RANBP3L: variants seen among roughly 807,000 people sequenced by gnomAD.
The protein encoded by RANBP3L is ran-binding protein 3-like.
Under a neutral mutation model 67.2 loss-of-function variants are expected in RANBP3L, and 56 were observed. That is an observed-to-expected ratio of 0.83 (90% confidence interval 0.67 to 1.04). The LOEUF (loss-of-function observed/expected upper bound fraction) is 1.04. RANBP3L is among the 50% of genes least tolerant of loss of function. The probability of loss-of-function intolerance (pLI) is 0.00; values close to 1 mark genes in which losing one functional copy is unlikely to be tolerated. For synonymous variants in RANBP3L, 164 were observed against 181.4 expected (o/e 0.90, Z 0.77); for missense variants, 496 against 535.5 (o/e 0.93, Z 0.73).
intron 1 of RANBP3L, among the ~76,000 whole-genome samples, chr5:36,284,793 A>G (rs1000548724): frequency 6.6e-6 from 1 of 152,194 alleles, no homozygotes; most frequent in South Asian, 2.1e-4. Flanking sequence ...GTATTTTTGC[A>G]ACTGTTTCTT....
intron 1 of RANBP3L, among the ~76,000 whole-genome samples, chr5:36,297,671 A>G (rs575742954): frequency 4.1e-4 from 63 of 152,342 alleles, no homozygotes; most frequent in African/African-American, 1.4e-3. Flanking sequence ...GTGTTCATAG[A>G]ATCAATATTA....
chr5:36,263,171 TG>T (rs988575286), intron 6 of RANBP3L, among the ~76,000 whole-genome samples: 5 of 152,228 alleles, frequency 3.3e-5, no homozygotes, highest in African/African-American at 1.2e-4. Flanking sequence ...AATTTAATGA[TG>T]GGCATTAAAT....
chr5:36,283,566 A>G (rs1237809635), intron 1 of RANBP3L, among the ~76,000 whole-genome samples: 1 of 151,826 alleles, frequency 6.6e-6, no homozygotes, highest in Non-Finnish European at 1.5e-5. Context: ...ACACACACAC[A>G]CACACACATC....
In RANBP3L at chr5:36,247,883, G is replaced by C. The variant is rs536744572; in HGVS notation, c.*1771C>G. Among the ~76,000 whole-genome samples, 5 of 152,262 alleles carry C rather than the reference G, an allele frequency of 3.3e-5. No individual in the cohort carries two copies. The East Asian group carries it at 9.7e-4, about 29-fold the overall frequency. ...AACCTGGGTGACAGAGCGAGACTCT[G>C]TCTAAAAAACAAACAAAATAAATAA... On this transcript the variant is annotated 3_prime_UTR_variant, in exon 14 of 14. Coordinates refer to ENST00000296604, the MANE Select transcript of RANBP3L (RefSeq NM_145000.5).
At chr5:36,289,325 A>G (rs78999778) in intron 1 of RANBP3L, among the ~76,000 whole-genome samples, 6,991 of 152,228 alleles carry the variant, frequency 0.046, 232 homozygotes, top group Middle Eastern at 0.078. Flanking sequence ...CTGAAATCCA[A>G]AAATGTAGGT....
At chr5:36,297,593 C>G (rs1467882125) in intron 1 of RANBP3L, among the ~76,000 whole-genome samples, 3 of 152,090 alleles carry the variant, frequency 2.0e-5, no homozygotes, top group Non-Finnish European at 4.4e-5. Flanking sequence ...AGGTTGTCTG[C>G]CTAGTACATG....
intron 2 of RANBP3L, 127 bp downstream of exon 2, chr5:36,271,126 G>A: frequency 3.1e-6 from 2 of 649,476 alleles, no homozygotes; most frequent in South Asian, 1.9e-5. Context: ...ATAATCTGGA[G>A]GCACTACTCT....
chr5:36,269,329 A>T, intron 4 of RANBP3L, 61 bp downstream of exon 4: 1 of 985,956 alleles, frequency 1.0e-6, no homozygotes, highest in Non-Finnish European at 1.6e-6. Context: ...AAAGTTTCTC[A>T]GTAATTTTGC....
At chr5:36,279,114 C>T (rs1750799006) in intron 1 of RANBP3L, among the ~76,000 whole-genome samples, 1 of 152,090 alleles carries the variant, frequency 6.6e-6, no homozygotes, top group South Asian at 2.1e-4. Context: ...TCAATCTCTG[C>T]ATGGAGCCCA....
intron 11 of RANBP3L, 108 bp downstream of exon 11, chr5:36,255,362 G>T: frequency 2.9e-6 from 3 of 1,044,814 alleles, no homozygotes; most frequent in Non-Finnish European, 4.0e-6. Flanking sequence ...CTGATTTTTT[G>T]GTGTATTTTA....
chr5:36,262,146 A>G (rs935062413), intron 6 of RANBP3L, 104 bp from the exon 7 acceptor site: 3 of 635,480 alleles, frequency 4.7e-6, no homozygotes, highest in South Asian at 2.1e-5. Context: ...AAAGCTTACT[A>G]TGTTTAAGTA....
At position 36,301,432 on chromosome 5, in the gene RANBP3L, G is replaced by A. The variant is rs1358027490; in HGVS notation, c.-16C>T. On this transcript the variant is annotated 5_prime_UTR_variant, in exon 1 of 14. Transcript: ENST00000296604. ...TGGTAGTCATGGTCCTAGCAGTATG[G>A]CTGTGACTCAAGGATCACTAGGGCA... 1.9e-6 allele frequency: 3 copies of A among 1,605,162 alleles called. No individual in the cohort carries two copies. The highest frequency in any genetic ancestry group is 1.7e-6 in the Non-Finnish European group (2 of 1,173,370).
At chr5:36,278,888 A>G (rs1025218856) in intron 1 of RANBP3L, among the ~76,000 whole-genome samples, 1 of 152,170 alleles carries the variant, frequency 6.6e-6, no homozygotes, top group African/African-American at 2.4e-5. Flanking sequence ...TACATGAACA[A>G]ATTTTTTTGG....
intron 10 of RANBP3L, 88 bp from the exon 11 acceptor site, chr5:36,255,678 CTAGTCTTTTACCAAA>C: frequency 3.9e-6 from 3 of 772,982 alleles, no homozygotes; most frequent in Non-Finnish European, 6.0e-6. Flanking sequence ...TTATATGTGT[CTAGTCTTTTACCAAA>C]ATAATCTTTG....
In RANBP3L at chr5:36,247,467, T is replaced by C. The variant is rs1382455613; in HGVS notation, c.*2187A>G. Reference sequence around the variant, plus strand: ...AAATTAAGATAGTTAATTTTTTCCATTGATATATGCGGAGAAATCTAAAGA... The same window carrying C: ...AAATTAAGATAGTTAATTTTTTCCACTGATATATGCGGAGAAATCTAAAGA... On this transcript the variant is annotated 3_prime_UTR_variant, in exon 14 of 14. Transcript: ENST00000296604. Among the ~76,000 whole-genome samples, 1 of 152,232 alleles carries C rather than the reference T, an allele frequency of 6.6e-6. No individual in the cohort carries two copies. The highest frequency in any genetic ancestry group is 1.9e-4 in the East Asian group (1 of 5,202).
At chr5:36,286,855 C>A (rs1204614244) in intron 1 of RANBP3L, among the ~76,000 whole-genome samples, 2 of 152,194 alleles carry the variant, frequency 1.3e-5, no homozygotes, top group Non-Finnish European at 2.9e-5. Flanking sequence ...TCTTACAGGT[C>A]TTTACTCAAA....
chr5:36,301,735 T>C lies in RANBP3L; in HGVS notation c.-319A>G. ...GAGTAAAATTCTACAAATTAACTAT[T>C]TCTAACAGATTACACTTTTGTCATT... is the stretch of plus-strand genomic sequence containing the variant. On this transcript the variant is annotated 5_prime_UTR_variant, in exon 1 of 14. Coordinates refer to ENST00000296604, the MANE Select transcript of RANBP3L (RefSeq NM_145000.5). 4.5e-6 allele frequency: 1 copy of C among 223,694 alleles called. No homozygotes were observed. Among genetic ancestry groups the C allele is most frequent in the South Asian group, 1.4e-4 (1 of 7,328 alleles). The allele number at this position is 223,694 out of a possible 1,614,324, so 13.9% of individuals were successfully genotyped here.
chr5:36,265,500 TAA>T lies in RANBP3L; in HGVS notation c.287_288del (p.Phe96TyrfsTer9). On this transcript the variant is annotated frameshift_variant, in exon 5 of 14. Transcript: ENST00000296604. LOFTEE classifies it high-confidence loss of function. ...QSQGVRKNNV[F>X]MTSALVQSSV... ...CTACTTTGCACAAGAGCTGATGTCA[TAA>T]AAACATTGTTTTTCCTCACTGTAAG... 6.2e-7 allele frequency: 1 copy of T among 1,603,600 alleles called. No homozygotes were observed. Among genetic ancestry groups the T allele is most frequent in the Non-Finnish European group, 8.5e-7 (1 of 1,171,992 alleles).
At chr5:36,250,140 T>C (rs1429223509) in intron 13 of RANBP3L, among the ~76,000 whole-genome samples, 1 of 151,976 alleles carries the variant, frequency 6.6e-6, no homozygotes, top group Non-Finnish European at 1.5e-5. Context: ...CATTAGTTAG[T>C]GAGAGAATTT....
Sources: allele counts gnomAD v4.1 joint callset (sites outside exome capture counted in the v4.1 genomes callset), GRCh38; gene constraint gnomAD v4.1.1; transcripts MANE v1.5; gene names NCBI Gene and HGNC (gene_info 2026-07-23, HGNC 2026-07-21).